PTPRD: variants seen among roughly 807,000 people sequenced by gnomAD.
PTPRD encodes the protein receptor-type tyrosine-protein phosphatase delta.
PTPRD carries 34 observed loss-of-function variants against 214.5 expected under a neutral mutation model. The ratio of observed to expected loss-of-function variants is 0.16; its 90% CI spans 0.12 to 0.21. PTPRD has a LOEUF of 0.21. Ranked by LOEUF, PTPRD falls within the 10% of genes least tolerant of loss-of-function variation. PTPRD has a pLI of 1.00. For synonymous variants in PTPRD, 1,128 were observed against 845.7 expected (o/e 1.33, Z -5.79); for missense variants, 2,545 against 2,398.7 (o/e 1.06, Z -1.27).
intron 5 of PTPRD, among the ~76,000 whole-genome samples, chr9:9,891,608 C>A (rs1051761467): frequency 6.6e-6 from 1 of 152,082 alleles, no homozygotes; most frequent in Admixed American, 6.6e-5. Flanking sequence ...TATTCCACTT[C>A]ATCAATTAGA....
chr9:10,417,958 C>A (rs1367722373), intron 2 of PTPRD, among the ~76,000 whole-genome samples: 3 of 151,242 alleles, frequency 2.0e-5, no homozygotes, highest in African/African-American at 4.9e-5. Flanking sequence ...GTGAATATAT[C>A]ATTTTACTTA....
intron 10 of PTPRD, among the ~76,000 whole-genome samples, chr9:9,152,715 T>G (rs1055016681): frequency 6.6e-6 from 1 of 152,190 alleles, no homozygotes; most frequent in Admixed American, 6.6e-5. Context: ...TGTCACCCAG[T>G]GGTTTCTTTT....
At chr9:10,233,513 G>GA (rs897581027) in intron 3 of PTPRD, among the ~76,000 whole-genome samples, 12 of 150,936 alleles carry the variant, frequency 8.0e-5, no homozygotes, top group Non-Finnish European at 1.3e-4. Flanking sequence ...TCATCCATTT[G>GA]AAAAAAAATC....
chr9:8,549,230 A>T (rs1049664584), intron 14 of PTPRD, among the ~76,000 whole-genome samples: 74 of 152,184 alleles, frequency 4.9e-4, no homozygotes, highest in Admixed American at 2.5e-3. Context: ...ACATTCCACC[A>T]GTTTTAGGGA....
At chr9:10,334,632 C>T (rs530615738) in intron 3 of PTPRD, among the ~76,000 whole-genome samples, 3 of 151,326 alleles carry the variant, frequency 2.0e-5, no homozygotes, top group Non-Finnish European at 3.0e-5. Context: ...TCTTTGCTTG[C>T]GGATGACAAG....
intron 5 of PTPRD, among the ~76,000 whole-genome samples, chr9:9,919,494 T>G (rs967420345): frequency 1.3e-5 from 2 of 152,174 alleles, no homozygotes; most frequent in African/African-American, 4.8e-5. Context: ...GTCCTGCATG[T>G]GCCGCATTCG....
chr9:10,389,895 A>C (rs1407918), intron 2 of PTPRD, among the ~76,000 whole-genome samples: 7,354 of 151,874 alleles, frequency 0.048, 265 homozygotes, highest in South Asian at 0.15. Flanking sequence ...AGTAGAAAAC[A>C]GGTGGAGCTT....
At chr9:8,500,574 A>G (rs2097376788) in intron 24 of PTPRD, among the ~76,000 whole-genome samples, 180 bp downstream of exon 24, 1 of 144,922 alleles carries the variant, frequency 6.9e-6, no homozygotes, top group African/African-American at 2.5e-5. Context: ...AAAAAAAAAA[A>G]AAAAAAAAAA....
At chr9:8,905,143 G>T (rs1304216946) in intron 11 of PTPRD, among the ~76,000 whole-genome samples, 1 of 152,174 alleles carries the variant, frequency 6.6e-6, no homozygotes, top group Non-Finnish European at 1.5e-5. Context: ...TAAAAGTCAA[G>T]ATGAAGCTAA....
chr9:8,451,069 C>T (rs779913375), intron 33 of PTPRD, among the ~76,000 whole-genome samples: 1 of 152,164 alleles, frequency 6.6e-6, no homozygotes, highest in Non-Finnish European at 1.5e-5. Flanking sequence ...TATGGTTAGC[C>T]AGAGGGCTCC....
intron 5 of PTPRD, among the ~76,000 whole-genome samples, chr9:9,915,222 C>T (rs36090278): frequency 6.6e-6 from 1 of 152,050 alleles, no homozygotes; most frequent in African/African-American, 2.4e-5. Flanking sequence ...AAGACCCATT[C>T]GTATGAACAT....
intron 10 of PTPRD, among the ~76,000 whole-genome samples, chr9:9,108,118 A>C (rs2099801209): frequency 6.6e-6 from 1 of 152,130 alleles, no homozygotes; most frequent in African/African-American, 2.4e-5. Context: ...ATCACGGAAT[A>C]CTATTTCCAA....
intron 12 of PTPRD, among the ~76,000 whole-genome samples, chr9:8,715,676 A>G (rs758310962): frequency 6.6e-6 from 1 of 152,212 alleles, no homozygotes; most frequent in Non-Finnish European, 1.5e-5. Context: ...TACCACAGTC[A>G]TTCCTCAGGG....
intron 3 of PTPRD, among the ~76,000 whole-genome samples, chr9:10,253,034 T>A (rs1354345409): frequency 6.6e-6 from 1 of 152,180 alleles, no homozygotes; most frequent in Admixed American, 6.5e-5. Context: ...TCCGTCTGCC[T>A]TGGCCTCCCA....
At chr9:8,429,098 C>T (rs1403422338) in intron 35 of PTPRD, among the ~76,000 whole-genome samples, 2 of 152,100 alleles carry the variant, frequency 1.3e-5, no homozygotes, top group African/African-American at 4.8e-5. Context: ...AATAGTCATG[C>T]AATGGAAATT....
intron 3 of PTPRD, among the ~76,000 whole-genome samples, chr9:10,253,662 C>T (rs2092991611): frequency 6.6e-6 from 1 of 152,166 alleles, no homozygotes; most frequent in African/African-American, 2.4e-5. Flanking sequence ...GAAGAAAAAT[C>T]TCTCAGAGTG....
At chr9:9,342,348 G>T (rs1468223553) in intron 9 of PTPRD, among the ~76,000 whole-genome samples, 1 of 151,982 alleles carries the variant, frequency 6.6e-6, no homozygotes, top group Non-Finnish European at 1.5e-5. Context: ...GGAGAAGATG[G>T]GGAAAATAAA....
intron 27 of PTPRD, among the ~76,000 whole-genome samples, chr9:8,487,170 G>C (rs890389219): frequency 1.3e-5 from 2 of 152,136 alleles, no homozygotes; most frequent in African/African-American, 2.4e-5. Context: ...TCATGTAAAA[G>C]TCTTAGCATG....
At chr9:9,873,670 A>G (rs891704086) in intron 5 of PTPRD, among the ~76,000 whole-genome samples, 1 of 152,188 alleles carries the variant, frequency 6.6e-6, no homozygotes, top group South Asian at 2.1e-4. Flanking sequence ...GTAGTTTGCT[A>G]TTTAAATAAC....
Sources: allele counts gnomAD v4.1 joint callset (sites outside exome capture counted in the v4.1 genomes callset), GRCh38; gene constraint gnomAD v4.1.1; transcripts MANE v1.5; gene names NCBI Gene and HGNC (gene_info 2026-07-23, HGNC 2026-07-21).